HPS1: variants seen among roughly 807,000 people sequenced by gnomAD.
HPS1 encodes the protein BLOC-3 complex member HPS1.
In HPS1, 59 loss-of-function variants were observed where a neutral mutation model predicts 90.6. The observed-to-expected ratio is 0.65, with a 90% CI of 0.53 to 0.81. The LOEUF (loss-of-function observed/expected upper bound fraction) is 0.81. Ranked by LOEUF, HPS1 falls within the 30% of genes least tolerant of loss-of-function variation. The pLI, the probability that HPS1 is intolerant of heterozygous loss-of-function variation, is 0.00. For synonymous variants in HPS1, 388 were observed against 384.4 expected, an observed-to-expected ratio of 1.01 and a Z score of -0.11; for missense variants, 849 against 896.7, an observed-to-expected ratio of 0.95 and a Z score of 0.68.
downstream of HPS1, chr10:98,415,252 C>T (rs920000461): frequency 2.3e-6 from 3 of 1,330,528 alleles, no homozygotes; most frequent in Non-Finnish European, 2.0e-6. Flanking sequence ...TGCAGTCCCC[C>T]TCCAGGCCCC....
intron 18 of HPS1, 94 bp from the exon 19 acceptor site, chr10:98,418,351 T>C (rs964414901): frequency 4.7e-6 from 3 of 638,438 alleles, no homozygotes; most frequent in African/African-American, 3.7e-5. Flanking sequence ...GGCTCTGTCA[T>C]GTGCGCTGGG....
At chr10:98,446,396 T>C (rs1330889664) in intron 1 of HPS1, among the ~76,000 whole-genome samples, 1 of 152,214 alleles carries the variant, frequency 6.6e-6, no homozygotes, top group Non-Finnish European at 1.5e-5. Context: ...GAGCTCCAGA[T>C]GGCGGGGGGC....
intron 3 of HPS1, among the ~76,000 whole-genome samples, chr10:98,440,508 T>A (rs1448778810): frequency 6.6e-6 from 1 of 152,092 alleles, no homozygotes; most frequent in East Asian, 1.9e-4. Flanking sequence ...AATATCTTGA[T>A]ATAATGGCAA....
rs1844296278 is a variant in HPS1 at position 98,417,789 on chromosome 10, G to A, written c.1941-63C>T. 2.0e-6 allele frequency: 3 copies of A among 1,472,822 alleles called. No homozygotes were observed. The highest frequency in any genetic ancestry group is 2.3e-5 in the South Asian group (2 of 87,426). 91.2% of individuals were successfully genotyped at this position (1,472,822 alleles called of 1,614,324 possible). On this transcript the variant is annotated intron_variant, in intron 19 of 19. Coordinates refer to ENST00000361490, the MANE Select transcript of HPS1 (RefSeq NM_000195.5). This position sits in a 1 kb window ranked among gnomAD's most constrained non-coding sequence, Gnocchi z 4.2. ...CTGTGGCACTCCTCCAGCGCCAGAG[G>A]CCTCTCTGGGCCCTCGCAAGCAAAT...
At chr10:98,430,775 G>A in intron 7 of HPS1, 105 bp from the exon 8 acceptor site, 1 of 900,004 alleles carries the variant, frequency 1.1e-6, no homozygotes, top group Non-Finnish European at 1.8e-6. Context: ...AAGGAGCAAT[G>A]TACTTCTGGA....
chr10:98,423,612 G>A lies in HPS1; in HGVS notation c.1589C>T (p.Thr530Ile). 1 of 1,613,942 alleles carries A rather than the reference G, an allele frequency of 6.2e-7. No homozygotes were observed. Among genetic ancestry groups the A allele is most frequent in the Non-Finnish European group, 8.5e-7 (1 of 1,179,908 alleles). The change falls in exon 16 of 20, where the codon ACC (threonine) becomes ATC (isoleucine). Residue 530 changes from threonine (T) to isoleucine (I), a missense_variant. Coordinates refer to ENST00000361490, the MANE Select transcript of HPS1 (RefSeq NM_000195.5). ...CCCGGCGTCAGGATATGACACCATG[G>A]TGATGTTCCTCCTGCTCTTCACCAG... ...FLLVKSRRNITMVSYLEDFPG... is the reference protein window; with the variant it reads ...FLLVKSRRNIIMVSYLEDFPG...
At position 98,420,923 on chromosome 10, in the gene HPS1, G is replaced by A. The variant is rs986333929; in HGVS notation, c.1744-765C>T. On this transcript the variant is annotated intron_variant, in intron 17 of 19. Transcript: ENST00000361490. ...GACCCTGTAGGATGTGCTGAGCCAG[G>A]GGGGAAGTCCAAATCAGAGTTCACC... Among the ~76,000 whole-genome samples the A allele has an allele frequency of 2.0e-5, 3 of 152,124 alleles. No individual in the cohort carries two copies. In the East Asian group the frequency reaches 5.8e-4, roughly 29 times the overall value.
chr10:98,414,722 C>T (rs1308281858), downstream of HPS1: 4 of 373,566 alleles, frequency 1.1e-5, no homozygotes, highest in Non-Finnish European at 1.9e-5. Context: ...AGGGAAACCC[C>T]TGAGCTCACC....
rs143101079 is a variant in HPS1, at chr10:98,446,707, G to A, written c.-106+100C>T. The A allele has an allele frequency of 3.6e-3, 550 of 152,510 alleles. 3 individuals carry two copies. In the Middle Eastern group the frequency reaches 0.041, roughly 11 times the overall value. The allele number at this position is 152,510 out of a possible 1,614,324, so 9.4% of individuals were successfully genotyped here. A position where few individuals can be genotyped will look rare whatever the true frequency, so the allele number is the denominator to read the frequency against. ...ACATCCACCCCTCTTCACGGCTGAG[G>A]AACTTTGGCCCCGAGCGAGGAAGCG... On this transcript the variant is annotated intron_variant, in intron 1 of 19. Coordinates refer to ENST00000361490, the MANE Select transcript of HPS1 (RefSeq NM_000195.5).
intron 18 of HPS1, 61 bp from the exon 19 acceptor site, chr10:98,418,318 G>A (rs574646136): frequency 4.2e-6 from 4 of 941,874 alleles, no homozygotes; most frequent in South Asian, 1.7e-5. Context: ...TGAGTCAGAC[G>A]CACCGGGCTT....
chr10:98,437,428 T>C (rs959575170), intron 3 of HPS1, among the ~76,000 whole-genome samples: 2 of 152,242 alleles, frequency 1.3e-5, no homozygotes, highest in Non-Finnish European at 2.9e-5. Context: ...AGTCACATAC[T>C]GAAGAGCAAT....
chr10:98,415,024 C>T (rs151066099), downstream of HPS1: 111 of 1,613,632 alleles, frequency 6.9e-5, no homozygotes, highest in Non-Finnish European at 9.0e-5. Context: ...CCTATCACCA[C>T]CGCATCATAC....
In HPS1 at chr10:98,425,727, G is replaced by A. The variant is rs1454931574; in HGVS notation, c.1156-7C>T. Reference sequence around the variant, plus strand: ...CCAGGGGCGCGCTGGGGCTCTGAGGGTAAGGGCCGAGAGGCGGGTGAACGG... The same window carrying A: ...CCAGGGGCGCGCTGGGGCTCTGAGGATAAGGGCCGAGAGGCGGGTGAACGG... On this transcript the variant is annotated splice_polypyrimidine_tract_variant and splice_region_variant and intron_variant, in intron 12 of 19. Coordinates refer to ENST00000361490, the MANE Select transcript of HPS1 (RefSeq NM_000195.5). The A allele has an allele frequency of 3.7e-6, 6 of 1,607,218 alleles. No individual in the cohort carries two copies. In the East Asian group the frequency reaches 1.3e-4, roughly 36 times the overall value.
chr10:98,431,359 T>C, intron 6 of HPS1, 68 bp from the exon 7 acceptor site: 1 of 1,504,580 alleles, frequency 6.6e-7, no homozygotes, highest in Non-Finnish European at 9.1e-7. Flanking sequence ...AGCCCTGGGC[T>C]AGTGGGGACA....
chr10:98,416,492 A>C lies in HPS1; in HGVS notation c.*1072T>G, dbSNP rs1035605198. ...CCTCACTGCCACCTTCTCAGGGTTTAGACCAACATGTGGGTTCTAGTTCCC... is the reference window on the plus strand; with the variant it reads ...CCTCACTGCCACCTTCTCAGGGTTTCGACCAACATGTGGGTTCTAGTTCCC... On this transcript the variant is annotated 3_prime_UTR_variant, in exon 20 of 20. Coordinates refer to ENST00000361490, the MANE Select transcript of HPS1 (RefSeq NM_000195.5). The C allele has an allele frequency of 6.6e-6, 1 of 152,434 alleles. No individual in the cohort carries two copies. Among genetic ancestry groups the C allele is most frequent in the African/African-American group, 2.4e-5 (1 of 41,470 alleles). 9.4% of individuals were successfully genotyped at this position (152,434 alleles called of 1,614,324 possible).
At chr10:98,443,366 C>T (rs758264475) in intron 2 of HPS1, 126 bp from the exon 3 acceptor site, 3 of 784,868 alleles carry the variant, frequency 3.8e-6, no homozygotes, top group South Asian at 1.4e-5. Flanking sequence ...CCAGGCATCA[C>T]AAGGGACTTC....
intron 10 of HPS1, among the ~76,000 whole-genome samples, chr10:98,427,671 C>T (rs538791083): frequency 1.2e-4 from 19 of 152,172 alleles, no homozygotes; most frequent in Non-Finnish European, 1.3e-4. Flanking sequence ...ACACAGTCCA[C>T]GTTTGCCCAT....
Position 98,425,900 on chromosome 10 carries a change from T to A in HPS1, c.1073A>T (p.Lys358Met), listed in dbSNP as rs751688813. 1.3e-5 allele frequency: 21 copies of A among 1,614,050 alleles called. No individual in the cohort carries two copies. The highest frequency in any genetic ancestry group is 1.8e-5 in the Non-Finnish European group (21 of 1,180,024). ...PRRIFLDANV[K>M]ESYCPLVPHT... is the part of the protein sequence containing the mutation. ...GGGCACTAGGGGGCAGTAGCTTTCC[T>A]TCACGTTGGCATCCAGGAAGATCCT... Residue 358 changes from lysine to methionine, a missense_variant, in exon 12 of 20, where the codon AAG (lysine) becomes ATG (methionine). Coordinates refer to ENST00000361490, the MANE Select transcript of HPS1 (RefSeq NM_000195.5).
chr10:98,438,475 C>A (rs966850336), intron 3 of HPS1, among the ~76,000 whole-genome samples: 1 of 152,196 alleles, frequency 6.6e-6, no homozygotes, highest in African/African-American at 2.4e-5. Flanking sequence ...AGCAAAGAGA[C>A]CGGCAGCATT....
Sources: allele counts gnomAD v4.1 joint callset (sites outside exome capture counted in the v4.1 genomes callset), GRCh38; gene constraint gnomAD v4.1.1; non-coding constraint Gnocchi (gnomAD v3.1); transcripts MANE v1.5; gene names NCBI Gene and HGNC (gene_info 2026-07-23, HGNC 2026-07-21).